LUC7L2: variants seen among roughly 807,000 people sequenced by gnomAD.
The protein encoded by LUC7L2 is putative RNA-binding protein Luc7-like 2.
Under a neutral mutation model 52.8 loss-of-function variants are expected in LUC7L2, and 25 were observed. The observed-to-expected ratio is 0.47, with a 90% CI of 0.34 to 0.66. LUC7L2 has a LOEUF of 0.66. LUC7L2 is among the 30% of genes least tolerant of loss of function. The probability of loss-of-function intolerance (pLI) is 0.01; values close to 1 mark genes in which losing one functional copy is unlikely to be tolerated. For missense variants in LUC7L2, 328 were observed against 497.8 expected (o/e 0.66, Z 3.25); for synonymous variants, 144 against 160.9 (o/e 0.89, Z 0.80).
chr7:139,359,076 A>T (rs574795851), upstream of LUC7L2: 1 of 152,268 alleles, frequency 6.6e-6, no homozygotes, highest in African/African-American at 2.4e-5. Context: ...GCCACGCCAT[A>T]GCAGACGTGT....
chr7:139,354,365 AATTT>A (rs1244011782), intron 1 of LUC7L2, among the ~76,000 whole-genome samples: 10 of 152,060 alleles, frequency 6.6e-5, no homozygotes, highest in African/African-American at 1.7e-4. Flanking sequence ...GGCATTTGTC[AATTT>A]ATTTATTTTT....
At chr7:139,375,942 C>T (rs1800685133) in intron 1 of LUC7L2, 120 bp from the exon 2 acceptor site, 2 of 1,016,500 alleles carry the variant, frequency 2.0e-6, no homozygotes, top group Non-Finnish European at 2.8e-6. Context: ...ACTAATCCCT[C>T]TTGAGCTGAT....
At chr7:139,414,077 T>TA (rs1021657574) in intron 8 of LUC7L2, among the ~76,000 whole-genome samples, 25 of 152,358 alleles carry the variant, frequency 1.6e-4, no homozygotes, top group African/African-American at 5.8e-4. Context: ...CTAGTCCTGT[T>TA]ACCTAGATAA....
chr7:139,389,665 A>G (rs983826278), intron 2 of LUC7L2, among the ~76,000 whole-genome samples: 2 of 152,232 alleles, frequency 1.3e-5, no homozygotes, highest in African/African-American at 2.4e-5. Flanking sequence ...TAAGTTATTC[A>G]TTGAACAAAT....
chr7:139,341,406 T>G (rs10265), intron 1 of LUC7L2: 422,041 of 1,612,914 alleles, frequency 0.26, 67,631 homozygotes, highest in African/African-American at 0.79. Flanking sequence ...AGGGTCCCCG[T>G]CGCACACTTT....
chr7:139,423,376 A>G lies in LUC7L2; in HGVS notation c.*1036A>G. 2.5e-6 allele frequency: 1 copy of G among 399,040 alleles called. No homozygotes were observed. Among genetic ancestry groups the G allele is most frequent in the Non-Finnish European group, 4.4e-6 (1 of 226,070 alleles). The allele number at this position is 399,040 out of a possible 1,614,324, so 24.7% of individuals were successfully genotyped here. A position where few individuals can be genotyped will look rare whatever the true frequency, so the allele number is the denominator to read the frequency against. On this transcript the variant is annotated 3_prime_UTR_variant, in exon 10 of 10. Coordinates refer to ENST00000354926, the MANE Select transcript of LUC7L2 (RefSeq NM_016019.5). ...TTGTTTGTAATGACCGTTATAGAGA[A>G]GGGCTCGACCTGCAGAAGAAACTGG...
At chr7:139,416,547 G>C (rs902622695) in intron 8 of LUC7L2, 1 of 152,120 alleles carries the variant, frequency 6.6e-6, no homozygotes, top group Non-Finnish European at 1.5e-5. Flanking sequence ...CTGTCTTACT[G>C]TGTTTGTTTT....
intron 1 of LUC7L2, among the ~76,000 whole-genome samples, chr7:139,365,890 A>G (rs1459763869): frequency 1.3e-5 from 2 of 152,204 alleles, no homozygotes; most frequent in African/African-American, 4.8e-5. Flanking sequence ...CAGAAAAGCT[A>G]TTCTGTTTCC....
At chr7:139,363,487 T>C (rs1799982935) in intron 1 of LUC7L2, among the ~76,000 whole-genome samples, 1 of 152,210 alleles carries the variant, frequency 6.6e-6, no homozygotes, top group South Asian at 2.1e-4. Context: ...TCAAGTTAAA[T>C]CTGTAATTTG....
chr7:139,354,859 CTT>C lies in LUC7L2; in HGVS notation c.-26+14356_-26+14357del, dbSNP rs35111843. Among the ~76,000 whole-genome samples, 187 of 142,230 alleles carry C rather than the reference CTT, an allele frequency of 1.3e-3. 2 individuals carry two copies. Among genetic ancestry groups the C allele is most frequent in the African/African-American group, 3.4e-3 (131 of 38,410 alleles). 93.3% of individuals were successfully genotyped at this position (142,230 alleles called of 152,430 possible). A position where few individuals can be genotyped will look rare whatever the true frequency, so the allele number is the denominator to read the frequency against. ...AAATAAAACAAAAATTCTTGCTGGA[CTT>C]TTTTTTTTTTTTTGAGACAGGGTCT... On this transcript the variant is annotated intron_variant, in intron 1 of 10. Transcript: ENST00000541170.
chr7:139,343,273 T>G (rs1585055076), intron 1 of LUC7L2, among the ~76,000 whole-genome samples: 1 of 152,342 alleles, frequency 6.6e-6, no homozygotes, highest in East Asian at 1.9e-4. Context: ...AAATTTAAAT[T>G]ACTAAAAAGT....
chr7:139,374,379 G>T, intron 1 of LUC7L2: 1 of 1,533,136 alleles, frequency 6.5e-7, no homozygotes, highest in Non-Finnish European at 8.8e-7. Flanking sequence ...GAACAATCTG[G>T]CCCCTTGTTT....
Position 139,348,898 on chromosome 7 carries a change from C to T in LUC7L2, c.-26+8381C>T, listed in dbSNP as rs571679377. 4.0e-5 allele frequency among the ~76,000 whole-genome samples: 6 copies of T among 151,628 alleles called. No individual in the cohort carries two copies. The East Asian group carries it at 5.9e-4, about 15-fold the overall frequency. On this transcript the variant is annotated intron_variant, in intron 1 of 10. Transcript: ENST00000541170. ...ACTTAGGGCTGGGCATGGTGGCTCA[C>T]GCCTGTAATCCCAGCACTTTGGGAG...
At chr7:139,368,151 G>A (rs555818736) in intron 1 of LUC7L2, among the ~76,000 whole-genome samples, 1 of 152,152 alleles carries the variant, frequency 6.6e-6, no homozygotes, top group Non-Finnish European at 1.5e-5. Flanking sequence ...GTGCTTTAGG[G>A]TATAGTAATT....
intron 2 of LUC7L2, among the ~76,000 whole-genome samples, chr7:139,390,243 T>G (rs948444516): frequency 1.5e-4 from 23 of 150,288 alleles, no homozygotes; most frequent in African/African-American, 4.4e-4. Context: ...CTCTCTCTTT[T>G]TTTCTTATTT....
chr7:139,341,581 G>T, intron 1 of LUC7L2: 1 of 1,581,960 alleles, frequency 6.3e-7, no homozygotes, highest in Non-Finnish European at 8.6e-7. Context: ...AGCCGGGTCT[G>T]GGCTAGGGTG....
At chr7:139,409,301 T>TA (rs1001072650) in intron 6 of LUC7L2, among the ~76,000 whole-genome samples, 1,879 of 127,686 alleles carry the variant, frequency 0.015, 21 homozygotes, top group East Asian at 0.022. Context: ...TGTTTTCACT[T>TA]AAAAAAAAAA....
In LUC7L2 at chr7:139,376,051, C is replaced by G; in HGVS notation, c.62-11C>G. 1.2e-6 allele frequency: 2 copies of G among 1,613,134 alleles called. No homozygotes were observed. Among genetic ancestry groups the G allele is most frequent in the South Asian group, 1.1e-5 (1 of 91,022 alleles). On this transcript the variant is annotated splice_polypyrimidine_tract_variant and intron_variant, in intron 1 of 9. Coordinates refer to ENST00000354926, the MANE Select transcript of LUC7L2 (RefSeq NM_016019.5). Reference sequence around the variant, plus strand: ...CTAACCTTGAATGTTATTAACTCTTCTATATTACAGGAGATACAACTCGTC... The same window carrying G: ...CTAACCTTGAATGTTATTAACTCTTGTATATTACAGGAGATACAACTCGTC...
At chr7:139,344,826 C>T (rs971032405) in intron 1 of LUC7L2, 3 of 150,124 alleles carry the variant, frequency 2.0e-5, no homozygotes, top group African/African-American at 7.4e-5. Context: ...CCTCAGCCTC[C>T]TGAGTAGTTG....
Sources: gnomAD v4.1 joint callset for allele counts (sites outside exome capture counted in the v4.1 genomes callset) on GRCh38, gnomAD v4.1.1 for gene constraint, MANE v1.5 for transcripts, NCBI Gene and HGNC (gene_info 2026-07-23, HGNC 2026-07-21) for gene names.